Variants in USP34 observed in about 807,000 individuals in gnomAD.
USP34 encodes ubiquitin carboxyl-terminal hydrolase 34.
A neutral mutation model predicts 460.3 loss-of-function variants in USP34; 70 were observed. The ratio of observed to expected loss-of-function variants is 0.15; its 90% CI spans 0.13 to 0.19. The LOEUF (loss-of-function observed/expected upper bound fraction) is 0.19. Ranked by LOEUF, USP34 falls within the 10% of genes least tolerant of loss-of-function variation. The pLI, the probability that USP34 is intolerant of heterozygous loss-of-function variation, is 1.00. For missense variants in USP34, 3,985 were observed against 4,236.2 expected (o/e 0.94, Z 1.65); for synonymous variants, 1,647 against 1,405.3 (o/e 1.17, Z -3.85).
At chr2:61,469,465 G>A (rs1371004099) in intron 1 of USP34, among the ~76,000 whole-genome samples, 1 of 152,136 alleles carries the variant, frequency 6.6e-6, no homozygotes, top group Non-Finnish European at 1.5e-5. Flanking sequence ...ACAAATACTG[G>A]AACCTCTAGT....
rs759283818 is a variant in USP34, at chr2:61,284,861, C to T, written c.4832+14G>A. ...CTATACATACACACATAAAATATAT[C>T]TTAAAATGCATACCTAGGAGCCAGA... On this transcript the variant is annotated intron_variant, in intron 35 of 79. Coordinates refer to ENST00000398571, the MANE Select transcript of USP34 (RefSeq NM_014709.4). 8 of 1,595,224 alleles carry T rather than the reference C, an allele frequency of 5.0e-6. No individual in the cohort carries two copies. The highest frequency in any genetic ancestry group is 6.0e-6 in the Non-Finnish European group (7 of 1,169,104).
chr2:61,196,074 T>C (rs1273053066), intron 75 of USP34, among the ~76,000 whole-genome samples: 2 of 107,818 alleles, frequency 1.9e-5, no homozygotes, highest in Admixed American at 8.9e-5. Flanking sequence ...GCACGATTTT[T>C]TTTTTTTTTT....
At position 61,223,092 on chromosome 2, in the gene USP34, G is replaced by A; in HGVS notation, c.7717C>T (p.Leu2573=). ...GCAAGTCGATTATTGTATCGACACA[G>A]GCTGAAAATCAGATTACAAGTTTGT... ...IRQTCNLIFS[L]CRYNNRLAEH... Residue 2573 remains leucine, a synonymous_variant, in exon 64 of 80, where the codon CTG becomes TTG. Transcript: ENST00000398571. The A allele has an allele frequency of 1.9e-6, 3 of 1,613,928 alleles. No individual in the cohort carries two copies. Among genetic ancestry groups the A allele is most frequent in the Non-Finnish European group, 2.5e-6 (3 of 1,179,848 alleles).
At chr2:61,440,833 A>T (rs968452183) in intron 1 of USP34, among the ~76,000 whole-genome samples, 22 of 146,144 alleles carry the variant, frequency 1.5e-4, no homozygotes, top group Middle Eastern at 3.5e-3. Context: ...TTTTAATTTA[A>T]AAAAAAAAAA....
At chr2:61,402,197 T>C (rs1223640976) in intron 3 of USP34, among the ~76,000 whole-genome samples, 1 of 152,048 alleles carries the variant, frequency 6.6e-6, no homozygotes, top group Non-Finnish European at 1.5e-5. Flanking sequence ...GGTGGATCGT[T>C]TGAGCCCAGG....
At chr2:61,324,608 A>T (rs1231429898) in intron 21 of USP34, among the ~76,000 whole-genome samples, 1 of 152,098 alleles carries the variant, frequency 6.6e-6, no homozygotes, top group Non-Finnish European at 1.5e-5. Context: ...CCCTATCTCT[A>T]TGAAAATTTT....
At chr2:61,307,341 G>C (rs1690443972) in intron 27 of USP34, among the ~76,000 whole-genome samples, 1 of 151,414 alleles carries the variant, frequency 6.6e-6, no homozygotes. Context: ...GGGAGGGATA[G>C]CATTAGGAGA....
chr2:61,358,309 G>A (rs1019763221), intron 10 of USP34, among the ~76,000 whole-genome samples: 6 of 151,328 alleles, frequency 4.0e-5, no homozygotes, highest in African/African-American at 1.5e-4. Flanking sequence ...AGACTATGGG[G>A]AAAAAAAAGA....
intron 50 of USP34, among the ~76,000 whole-genome samples, chr2:61,245,645 A>G (rs1050715715): frequency 6.6e-6 from 1 of 152,090 alleles, no homozygotes; most frequent in Non-Finnish European, 1.5e-5. Context: ...AAAGATTCAA[A>G]ATATACTTAT....
chr2:61,373,759 G>C (rs1162863192), intron 8 of USP34, among the ~76,000 whole-genome samples: 1 of 152,058 alleles, frequency 6.6e-6, no homozygotes, highest in African/African-American at 2.4e-5. Flanking sequence ...CTGAACCCTT[G>C]GCCCTACAGG....
At chr2:61,397,694 A>T (rs569773440) in intron 3 of USP34, among the ~76,000 whole-genome samples, 1 of 151,682 alleles carries the variant, frequency 6.6e-6, no homozygotes, top group South Asian at 2.1e-4. Flanking sequence ...ATGTCAGGAG[A>T]TCAAGACCAT....
At chr2:61,369,993 A>C (rs932755094) in intron 10 of USP34, among the ~76,000 whole-genome samples, 4 of 151,600 alleles carry the variant, frequency 2.6e-5, no homozygotes, top group Non-Finnish European at 5.9e-5. Context: ...TAAAAAAAAA[A>C]AAAAAAAAAC....
At chr2:61,451,238 A>G (rs1695266395) in intron 1 of USP34, among the ~76,000 whole-genome samples, 1 of 150,718 alleles carries the variant, frequency 6.6e-6, no homozygotes, top group Non-Finnish European at 1.5e-5. Context: ...AAAAAAAAAA[A>G]AAAAAAAGAA....
At chr2:61,317,870 G>C (rs1690798465) in intron 22 of USP34, 103 bp from the exon 23 acceptor site, 1 of 757,056 alleles carries the variant, frequency 1.3e-6, no homozygotes, top group Non-Finnish European at 2.1e-6. Flanking sequence ...GAAGGAAACA[G>C]ATCAGTTTGA....
At chr2:61,410,618 T>A (rs1021113683) in intron 2 of USP34, among the ~76,000 whole-genome samples, 13 of 152,348 alleles carry the variant, frequency 8.5e-5, no homozygotes, top group African/African-American at 3.1e-4. Flanking sequence ...CTTGAATTTT[T>A]TTTAGCTACA....
chr2:61,201,488 C>G (rs1686975561), intron 75 of USP34, among the ~76,000 whole-genome samples: 3 of 152,148 alleles, frequency 2.0e-5, no homozygotes, highest in African/African-American at 4.8e-5. Flanking sequence ...GCTGGGATTA[C>G]AAGCGTGAGC....
intron 70 of USP34, chr2:61,208,291 C>G (rs559349663): frequency 2.0e-5 from 3 of 152,352 alleles, no homozygotes; most frequent in Admixed American, 2.0e-4. Context: ...ACCAGGAAGG[C>G]CCCAGAGGAA....
intron 7 of USP34, among the ~76,000 whole-genome samples, chr2:61,378,913 G>GAAAAAAAAAAAAAAAAAAAA (rs34463913): frequency 8.6e-5 from 5 of 57,870 alleles, no homozygotes; most frequent in Admixed American, 3.4e-4. Flanking sequence ...TCAAAAAAAC[G>GAAAAAAAAAAAAAAAAAAAA]AAAAAAAAAA....
At chr2:61,241,689 T>C (rs780697181) in intron 52 of USP34, 34 bp from the exon 53 acceptor site, 1 of 1,550,122 alleles carries the variant, frequency 6.5e-7, no homozygotes, top group Admixed American at 2.0e-5. Context: ...TATTTTCATT[T>C]TGACAAAGTA....
Sources: allele counts gnomAD v4.1 joint callset (sites outside exome capture counted in the v4.1 genomes callset), GRCh38; gene constraint gnomAD v4.1.1; transcripts MANE v1.5; gene names NCBI Gene and HGNC (gene_info 2026-07-23, HGNC 2026-07-21).